SEC24D: variants seen among roughly 807,000 people sequenced by gnomAD.
The protein encoded by SEC24D is SEC24 homolog D, COPII component.
A neutral mutation model predicts 116.9 loss-of-function variants in SEC24D; 69 were observed. That is an observed-to-expected ratio of 0.59 (90% CI 0.49 to 0.72). The LOEUF (loss-of-function observed/expected upper bound fraction) is 0.72. Ranked by LOEUF, SEC24D falls within the 30% of genes least tolerant of loss-of-function variation. SEC24D has a pLI of 0.00. For missense variants in SEC24D, 1,131 were observed against 1,264.1 expected (o/e 0.89, Z 1.60); for synonymous variants, 405 against 442.8 (o/e 0.91, Z 1.07).
rs376099608 is a variant in SEC24D at position 118,764,792 on chromosome 4, G to C, written c.1296+10C>G. On this transcript the variant is annotated intron_variant, in intron 10 of 22. Coordinates refer to ENST00000280551, the MANE Select transcript of SEC24D (RefSeq NM_014822.4). ...AATGTATAAACACTTGAAGTTCTGGGAACACTTACTCTGCAATAATCCAAA... is the reference window on the plus strand; with the variant it reads ...AATGTATAAACACTTGAAGTTCTGGCAACACTTACTCTGCAATAATCCAAA... The C allele has an allele frequency of 6.3e-6, 9 of 1,433,068 alleles. No individual in the cohort carries two copies. Among genetic ancestry groups the C allele is most frequent in the African/African-American group, 2.8e-5 (2 of 71,262 alleles). The allele number at this position is 1,433,068 out of a possible 1,614,324, so 88.8% of individuals were successfully genotyped here.
At chr4:118,831,070 G>A (rs1240046066) in intron 2 of SEC24D, among the ~76,000 whole-genome samples, 1 of 152,172 alleles carries the variant, frequency 6.6e-6, no homozygotes, top group Non-Finnish European at 1.5e-5. Context: ...TCCCCAGGCT[G>A]GAGTGCAGTG....
At chr4:118,815,297 T>C in intron 5 of SEC24D, 142 bp from the exon 6 acceptor site, 4 of 1,345,910 alleles carry the variant, frequency 3.0e-6, no homozygotes, top group Non-Finnish European at 3.1e-6. Flanking sequence ...ATGAGTGTGG[T>C]TCCCCATTTC....
chr4:118,785,508 A>G (rs563578061), intron 8 of SEC24D, among the ~76,000 whole-genome samples: 22 of 152,304 alleles, frequency 1.4e-4, no homozygotes, highest in Non-Finnish European at 2.6e-4. Flanking sequence ...AAGTATCCCA[A>G]AAGCTCCCCT....
chr4:118,815,424 C>T, intron 5 of SEC24D, 27 bp downstream of exon 5: 1 of 1,611,144 alleles, frequency 6.2e-7, no homozygotes, highest in Non-Finnish European at 8.5e-7. Context: ...TAACACAAAG[C>T]CTTCCCCTGC....
intron 8 of SEC24D, among the ~76,000 whole-genome samples, chr4:118,783,278 A>G (rs996014333): frequency 6.6e-6 from 1 of 152,152 alleles, no homozygotes; most frequent in South Asian, 2.1e-4. Context: ...CACTTTCTCA[A>G]TCAGGCCTGC....
Position 118,739,007 on chromosome 4 carries a change from A to G in SEC24D, c.2377+142T>C, listed in dbSNP as rs1300470701. On this transcript the variant is annotated intron_variant, in intron 18 of 22. Transcript: ENST00000280551. ...TAATTTAGAGTTAGGAATGCTGACT[A>G]TTCTCTCTCAGCCTTTGCTTTTATT... 8.2e-6 allele frequency: 6 copies of G among 735,066 alleles called. No homozygotes were observed. The Admixed American group carries it at 1.3e-4, about 16-fold the overall frequency. The allele number at this position is 735,066 out of a possible 1,614,324, so 45.5% of individuals were successfully genotyped here.
chr4:118,813,898 T>C (rs962211378), intron 6 of SEC24D, among the ~76,000 whole-genome samples: 3 of 152,208 alleles, frequency 2.0e-5, no homozygotes, highest in African/African-American at 7.2e-5. Flanking sequence ...CCCAGATGCA[T>C]GAGCAAGCTC....
chr4:118,729,521 C>A (rs1725579761), intron 21 of SEC24D: 2 of 152,098 alleles, frequency 1.3e-5, no homozygotes, highest in Non-Finnish European at 2.9e-5. Flanking sequence ...AAATTCCATC[C>A]AAGTACTACT....
rs537008927 is a variant in SEC24D, at chr4:118,729,623, G to A, written c.2869-973C>T. 3 of 152,296 alleles carry A rather than the reference G, an allele frequency of 2.0e-5. No individual in the cohort carries two copies. In the South Asian group the frequency reaches 6.2e-4, roughly 32 times the overall value. The allele number at this position is 152,296 out of a possible 1,614,324, so 9.4% of individuals were successfully genotyped here. Reference sequence around the variant, plus strand: ...CAGAAATCTGGTTAGTGGTCTACAGGCCAATCCAGCTGCACGTGGCATCCA... The same window carrying A: ...CAGAAATCTGGTTAGTGGTCTACAGACCAATCCAGCTGCACGTGGCATCCA... On this transcript the variant is annotated intron_variant, in intron 21 of 22. Coordinates refer to ENST00000280551, the MANE Select transcript of SEC24D (RefSeq NM_014822.4).
At chr4:118,739,539 T>C (rs1374594184) in intron 17 of SEC24D, among the ~76,000 whole-genome samples, 1 of 152,196 alleles carries the variant, frequency 6.6e-6, no homozygotes, top group Non-Finnish European at 1.5e-5. Flanking sequence ...CACATGTAAA[T>C]ATCTATTTCA....
intron 3 of SEC24D, among the ~76,000 whole-genome samples, chr4:118,821,988 A>G (rs1054223994): frequency 6.6e-6 from 1 of 152,234 alleles, no homozygotes; most frequent in Non-Finnish European, 1.5e-5. Context: ...GTACTTCCCT[A>G]GGAATCACCA....
chr4:118,833,460 C>G (rs1730960835), intron 2 of SEC24D, 119 bp downstream of exon 2: 1 of 683,100 alleles, frequency 1.5e-6, no homozygotes, highest in Non-Finnish European at 2.5e-6. Context: ...CCTGTAATCT[C>G]AAGCCATTTC....
intron 8 of SEC24D, among the ~76,000 whole-genome samples, chr4:118,785,487 T>C (rs1728628677): frequency 1.3e-5 from 2 of 152,246 alleles, no homozygotes; most frequent in Non-Finnish European, 2.9e-5. Flanking sequence ...CAGGGGAGAA[T>C]GGGGCTTGGG....
At chr4:118,772,300 A>C (rs1727938335) in intron 8 of SEC24D, among the ~76,000 whole-genome samples, 1 of 152,192 alleles carries the variant, frequency 6.6e-6, no homozygotes, top group African/African-American at 2.4e-5. Flanking sequence ...GGCTGTATAT[A>C]CCTTACCAGC....
chr4:118,833,678 C>G lies in SEC24D; in HGVS notation c.19G>C (p.Val7Leu). The G allele has an allele frequency of 6.2e-7, 1 of 1,612,998 alleles. No homozygotes were observed. Among genetic ancestry groups the G allele is most frequent in the Non-Finnish European group, 8.5e-7 (1 of 1,179,426 alleles). Residue 7 changes from valine (V) to leucine (L), a missense_variant, in exon 2 of 23, where the codon GTG becomes CTG. Physicochemically the swap from Val to Leu is conservative, Grantham distance 32. Coordinates refer to ENST00000280551, the MANE Select transcript of SEC24D (RefSeq NM_014822.4). The part of the protein sequence containing the change: MSQQGY[V>L]ATPPYSQPQP... ...GGCTGAGAATACGGAGGTGTAGCCA[C>G]GTAACCTTGTTGACTCATTATGAAA...
At position 118,815,565 on chromosome 4, in the gene SEC24D, G is replaced by A. The variant is rs1730108974; in HGVS notation, c.559C>T (p.Pro187Ser). The stretch of plus-strand genomic sequence containing the variant: ...CCATCTGGTCTGTACATTGGTAGAG[G>A]CAAAGGTGAGGCACCAGGACCATTG... ...TLNGPGASPLPLPMYRPDGLS... is the reference protein window; with the variant it reads ...TLNGPGASPLSLPMYRPDGLS... The change falls in exon 5 of 23, where the codon CCT becomes TCT. Residue 187 changes from proline (P) to serine (S), a missense_variant. Pro to Ser is a moderately conservative substitution (Grantham distance 74). Coordinates refer to ENST00000280551, the MANE Select transcript of SEC24D (RefSeq NM_014822.4). The A allele has an allele frequency of 1.2e-6, 2 of 1,614,086 alleles. No homozygotes were observed. Among genetic ancestry groups the A allele is most frequent in the Non-Finnish European group, 8.5e-7 (1 of 1,180,042 alleles).
chr4:118,832,076 G>A (rs966866455), intron 2 of SEC24D, among the ~76,000 whole-genome samples: 8 of 152,088 alleles, frequency 5.3e-5, no homozygotes, highest in East Asian at 3.9e-4. Flanking sequence ...GGTGGCGGGC[G>A]CCTGTAATCC....
At chr4:118,830,017 G>A (rs1218647165) in intron 2 of SEC24D, among the ~76,000 whole-genome samples, 7 of 152,220 alleles carry the variant, frequency 4.6e-5, no homozygotes, top group Non-Finnish European at 1.0e-4. Flanking sequence ...GGCTAGACAA[G>A]AAGACACAGG....
intron 8 of SEC24D, among the ~76,000 whole-genome samples, chr4:118,783,344 G>A (rs1035984948): frequency 2.6e-5 from 4 of 152,114 alleles, no homozygotes; most frequent in South Asian, 2.1e-4. Context: ...CCAGGCAGAC[G>A]TTATCCCCCA....
Sources: allele counts gnomAD v4.1 joint callset (sites outside exome capture counted in the v4.1 genomes callset), GRCh38; gene constraint gnomAD v4.1.1; transcripts MANE v1.5; gene names NCBI Gene and HGNC (gene_info 2026-07-23, HGNC 2026-07-21).